Variants in NDUFAF6 observed in about 807,000 individuals in gnomAD.
The protein encoded by NDUFAF6 is NADH dehydrogenase (ubiquinone) complex I, assembly factor 6.
A neutral mutation model predicts 40.8 loss-of-function variants in NDUFAF6; 45 were observed. The ratio of observed to expected loss-of-function variants is 1.10; its 90% CI spans 0.87 to 1.42. NDUFAF6 has a LOEUF of 1.42. Ranked by LOEUF, NDUFAF6 falls within the 40% of genes most tolerant of loss-of-function variation. The probability of loss-of-function intolerance (pLI) is 0.00; values close to 1 mark genes in which losing one functional copy is unlikely to be tolerated. For missense variants in NDUFAF6, 435 were observed against 418.5 expected (o/e 1.04, Z -0.34); for synonymous variants, 185 against 155.9 (o/e 1.19, Z -1.39).
At chr8:95,053,786 T>C (rs1237434902) in intron 8 of NDUFAF6, among the ~76,000 whole-genome samples, 3 of 151,818 alleles carry the variant, frequency 2.0e-5, no homozygotes, top group African/African-American at 7.3e-5. Flanking sequence ...CCACCATGCC[T>C]GGCTGATTTT....
At chr8:94,941,193 T>G in intron 1 of NDUFAF6, 1 of 335,510 alleles carries the variant, frequency 3.0e-6, no homozygotes, top group South Asian at 1.1e-4. Flanking sequence ...GCATATGCCT[T>G]GGCCTACATT....
At chr8:95,037,637 G>C (rs1269945665) in intron 3 of NDUFAF6, among the ~76,000 whole-genome samples, 1 of 152,138 alleles carries the variant, frequency 6.6e-6, no homozygotes, top group Non-Finnish European at 1.5e-5. Flanking sequence ...GGCAAAGTGG[G>C]CTCTGTTCTC....
intron 1 of NDUFAF6, chr8:94,931,971 C>T: frequency 1.6e-6 from 2 of 1,262,384 alleles, no homozygotes; most frequent in Non-Finnish European, 2.2e-6. Flanking sequence ...GACTCCATCT[C>T]AAAAAAAGAA....
At chr8:95,024,762 TGG>T (rs1229244659), upstream of NDUFAF6, among the ~76,000 whole-genome samples, 1 of 151,744 alleles carries the variant, frequency 6.6e-6, no homozygotes, top group Middle Eastern at 3.2e-3. Flanking sequence ...TGGATGCACG[TGG>T]GGGAAGGGGA....
intron 1 of NDUFAF6, chr8:94,927,890 A>C (rs1007000041): frequency 4.9e-5 from 7 of 141,836 alleles, no homozygotes; most frequent in Non-Finnish European, 9.2e-5. Context: ...AGCGCATTGT[A>C]AACCACTAAT....
chr8:95,039,926 G>T (rs1429916083), intron 3 of NDUFAF6, among the ~76,000 whole-genome samples: 1 of 152,172 alleles, frequency 6.6e-6, no homozygotes, highest in Non-Finnish European at 1.5e-5. Flanking sequence ...ACTGTGCCCG[G>T]CCAGAACAGT....
chr8:94,966,250 C>G (rs915972114), intron 1 of NDUFAF6, among the ~76,000 whole-genome samples: 1 of 152,112 alleles, frequency 6.6e-6, no homozygotes, highest in Admixed American at 6.5e-5. Context: ...CTGGGGACTT[C>G]ACATGTAAGG....
chr8:95,056,281 G>A (rs1375169192), intron 8 of NDUFAF6, among the ~76,000 whole-genome samples: 1 of 151,416 alleles, frequency 6.6e-6, no homozygotes, highest in African/African-American at 2.4e-5. Context: ...TAGAGTGCAG[G>A]CTCACTGCAG....
chr8:95,055,119 T>A (rs1338104004), intron 8 of NDUFAF6: 1 of 152,238 alleles, frequency 6.6e-6, no homozygotes, highest in Admixed American at 6.5e-5. Flanking sequence ...TCCTTGGTAT[T>A]TTAATGGAAT....
intron 2 of NDUFAF6, chr8:95,085,452 G>T (rs574951406): frequency 6.6e-6 from 1 of 152,258 alleles, no homozygotes; most frequent in East Asian, 1.9e-4. Context: ...CCTCAGCCAG[G>T]AGACTCATAA....
At chr8:94,962,878 C>T (rs903805836) in intron 1 of NDUFAF6, among the ~76,000 whole-genome samples, 22 of 151,212 alleles carry the variant, frequency 1.5e-4, no homozygotes, top group Non-Finnish European at 2.8e-4. Context: ...GCAACCTTAG[C>T]TTCCTGGGTT....
intron 9 of NDUFAF6, among the ~76,000 whole-genome samples, chr8:95,070,344 C>G (rs1444814109): frequency 1.3e-5 from 2 of 152,194 alleles, no homozygotes; most frequent in African/African-American, 4.8e-5. Flanking sequence ...CTGGCACTTA[C>G]TAAGTGTACA....
chr8:95,089,250 G>C (rs906041781), intron 2 of NDUFAF6, among the ~76,000 whole-genome samples: 3 of 151,890 alleles, frequency 2.0e-5, no homozygotes, highest in African/African-American at 7.3e-5. Context: ...TGTGGAGAAG[G>C]GGTTTCGCCA....
intron 2 of NDUFAF6, among the ~76,000 whole-genome samples, chr8:95,006,355 C>CAAAAAAA (rs58530398): frequency 1.3e-5 from 1 of 74,966 alleles, no homozygotes; most frequent in African/African-American, 4.8e-5. Flanking sequence ...GACTCCGTCT[C>CAAAAAAA]AAAAAAAAAA....
At chr8:95,062,156 C>CAA (rs772221046), downstream of NDUFAF6, among the ~76,000 whole-genome samples, 30 of 110,658 alleles carry the variant, frequency 2.7e-4, no homozygotes, top group African/African-American at 6.9e-4. Flanking sequence ...GACCGTGGCT[C>CAA]AAAAAAAAAA....
chr8:94,962,352 G>T (rs941402983), intron 1 of NDUFAF6, among the ~76,000 whole-genome samples: 2 of 152,108 alleles, frequency 1.3e-5, no homozygotes, highest in Non-Finnish European at 2.9e-5. Flanking sequence ...GAATGCAGTG[G>T]CAAGATCTTG....
At chr8:95,105,318 A>G (rs983262587), downstream of NDUFAF6, among the ~76,000 whole-genome samples, 1 of 152,064 alleles carries the variant, frequency 6.6e-6, no homozygotes, top group Non-Finnish European at 1.5e-5. Context: ...CTGTTGCTCT[A>G]TCACAAAATA....
At chr8:95,025,736 C>G (rs1828033209) in intron 1 of NDUFAF6, among the ~76,000 whole-genome samples, 1 of 152,200 alleles carries the variant, frequency 6.6e-6, no homozygotes. Context: ...GACAAGGAAA[C>G]TGGGTTTTAT....
At chr8:95,096,957 C>T (rs1473984949), upstream of NDUFAF6, among the ~76,000 whole-genome samples, 1 of 152,192 alleles carries the variant, frequency 6.6e-6, no homozygotes, top group African/African-American at 2.4e-5. Flanking sequence ...AGAGAGGAGA[C>T]CTCCAGGGGC....
Sources: gnomAD v4.1 joint callset for allele counts (sites outside exome capture counted in the v4.1 genomes callset) on GRCh38, gnomAD v4.1.1 for gene constraint, MANE v1.5 for transcripts, NCBI Gene and HGNC (gene_info 2026-07-23, HGNC 2026-07-21) for gene names.